Variants in NPEPPS observed in about 807,000 individuals in gnomAD.
The protein encoded by NPEPPS is puromycin-sensitive aminopeptidase.
A neutral mutation model predicts 115.5 loss-of-function variants in NPEPPS; 14 were observed. That is an observed-to-expected ratio of 0.12 (90% CI 0.08 to 0.19). The LOEUF is 0.19. Ranked by LOEUF, NPEPPS falls within the 10% of genes least tolerant of loss-of-function variation. The probability of loss-of-function intolerance (pLI) is 1.00; values close to 1 mark genes in which losing one functional copy is unlikely to be tolerated. For missense variants in NPEPPS, 523 were observed against 1,110.8 expected (o/e 0.47, Z 7.52); for synonymous variants, 285 against 390.6 (o/e 0.73, Z 3.19).
At chr17:47,573,072 G>A (rs971633882) in intron 3 of NPEPPS, among the ~76,000 whole-genome samples, 42 of 152,106 alleles carry the variant, frequency 2.8e-4, no homozygotes, top group African/African-American at 1.0e-3. Flanking sequence ...CACTGTGCCC[G>A]GCCAGAAGAG....
chr17:47,565,888 CTT>C (rs1466245576), intron 2 of NPEPPS, among the ~76,000 whole-genome samples: 1 of 152,128 alleles, frequency 6.6e-6, no homozygotes, highest in Non-Finnish European at 1.5e-5. Flanking sequence ...TGGAGAAAGA[CTT>C]TGCAATCAGA....
At chr17:47,618,035 G>C (rs1352980713) in intron 19 of NPEPPS, among the ~76,000 whole-genome samples, 2 of 151,702 alleles carry the variant, frequency 1.3e-5, no homozygotes, top group Non-Finnish European at 2.9e-5. Context: ...CACCACGCCC[G>C]GCTAATTTTT....
intron 18 of NPEPPS, 61 bp downstream of exon 18, chr17:47,612,663 CTTTTTT>C: frequency 1.8e-5 from 20 of 1,091,854 alleles, no homozygotes; most frequent in East Asian, 3.0e-5. Context: ...AAGCATGGAA[CTTTTTT>C]TTTTTTTTTT....
intron 2 of NPEPPS, among the ~76,000 whole-genome samples, chr17:47,560,023 G>A (rs1463588068): frequency 1.3e-5 from 2 of 152,074 alleles, no homozygotes; most frequent in African/African-American, 4.8e-5. Flanking sequence ...GAGCAAAAGT[G>A]GCCTAGAATG....
intron 19 of NPEPPS, among the ~76,000 whole-genome samples, 157 bp downstream of exon 19, chr17:47,613,882 C>A (rs536553811): frequency 4.0e-4 from 60 of 149,962 alleles, no homozygotes; most frequent in Non-Finnish European, 7.2e-4. Flanking sequence ...TTATGTCTAT[C>A]CATATATGTT....
chr17:47,620,589 G>A (rs1023116517), intron 22 of NPEPPS, among the ~76,000 whole-genome samples: 2 of 152,180 alleles, frequency 1.3e-5, no homozygotes, highest in Non-Finnish European at 2.9e-5. Flanking sequence ...ACTACTCTGC[G>A]ATGGAATGGA....
intron 2 of NPEPPS, among the ~76,000 whole-genome samples, chr17:47,546,286 C>G (rs1244335786): frequency 6.6e-6 from 1 of 151,952 alleles, no homozygotes; most frequent in Non-Finnish European, 1.5e-5. Context: ...ATTAGCTAGG[C>G]ATAGTGGTGC....
intron 1 of NPEPPS, among the ~76,000 whole-genome samples, chr17:47,538,202 CTTTTTTTT>C (rs543559258): frequency 1.9e-4 from 11 of 58,496 alleles, no homozygotes; most frequent in Admixed American, 2.6e-4. Flanking sequence ...CATATCTGTT[CTTTTTTTT>C]TTTTTTTTTT....
At chr17:47,592,756 CTTTCTTTT>C (rs142046619) in intron 12 of NPEPPS, 187 of 476,106 alleles carry the variant, frequency 3.9e-4, no homozygotes, top group Non-Finnish European at 6.4e-4. Context: ...TCTTTCCTTT[CTTTCTTTT>C]TTTTAATTAA....
At chr17:47,575,617 A>T (rs1009907699) in intron 3 of NPEPPS, among the ~76,000 whole-genome samples, 127 of 141,318 alleles carry the variant, frequency 9.0e-4, no homozygotes, top group Non-Finnish European at 1.4e-3. Context: ...TATTATTATT[A>T]TTTTTGAGAT....
chr17:47,615,378 C>T (rs1437263372), intron 19 of NPEPPS, among the ~76,000 whole-genome samples: 2 of 152,148 alleles, frequency 1.3e-5, no homozygotes, highest in African/African-American at 2.4e-5. Context: ...GTCTGGCCTG[C>T]TTTCTAAGAA....
In NPEPPS at chr17:47,585,385, T is replaced by C. The variant is rs1664575294; in HGVS notation, c.649-115T>C. The C allele has an allele frequency of 4.3e-6, 3 of 690,092 alleles. No individual in the cohort carries two copies. The South Asian group carries it at 5.7e-5, about 13-fold the overall frequency. 42.7% of individuals were successfully genotyped at this position (690,092 alleles called of 1,614,324 possible). ...TGAATTGGGGTAGAGAAATAAGCCATGCTAGAATAGAAAGGGGTAAAGAGA... is the reference window on the plus strand; with the variant it reads ...TGAATTGGGGTAGAGAAATAAGCCACGCTAGAATAGAAAGGGGTAAAGAGA... On this transcript the variant is annotated intron_variant, in intron 5 of 22. Transcript: ENST00000322157.
At chr17:47,572,242 C>G (rs1911243971) in intron 3 of NPEPPS, among the ~76,000 whole-genome samples, 1 of 152,080 alleles carries the variant, frequency 6.6e-6, no homozygotes, top group Admixed American at 6.6e-5. Flanking sequence ...TAGTGAGACC[C>G]TGTCTCTATA....
intron 1 of NPEPPS, among the ~76,000 whole-genome samples, chr17:47,543,483 A>ATTTTTTT (rs1244034572): frequency 2.5e-5 from 3 of 118,130 alleles, no homozygotes. Flanking sequence ...GGCCTGGCTA[A>ATTTTTTT]TTTTTTTTTT....
chr17:47,602,789 A>G lies in NPEPPS; in HGVS notation c.1740+1042A>G, dbSNP rs941108023. Among the ~76,000 whole-genome samples the G allele has an allele frequency of 4.7e-4, 71 of 151,944 alleles. 1 individual carries two copies. Among genetic ancestry groups the G allele is most frequent in the African/African-American group, 1.4e-3 (58 of 41,450 alleles). On this transcript the variant is annotated intron_variant, in intron 15 of 22. Coordinates refer to ENST00000322157, the MANE Select transcript of NPEPPS (RefSeq NM_006310.4). ...CGGAGTAGCTAGGATTATAGTCATG[A>G]GCCACCATGCCTGGCATTGTTTTAC...
intron 12 of NPEPPS, among the ~76,000 whole-genome samples, chr17:47,594,363 A>AT (rs1912707858): frequency 6.6e-6 from 1 of 151,362 alleles, no homozygotes; most frequent in Admixed American, 6.6e-5. Flanking sequence ...TTACTGTAAC[A>AT]TTTTAAATTT....
intron 2 of NPEPPS, among the ~76,000 whole-genome samples, chr17:47,546,514 A>C (rs1909229165): frequency 1.3e-5 from 2 of 152,170 alleles, no homozygotes; most frequent in Non-Finnish European, 1.5e-5. Context: ...TAAATGTCAC[A>C]ATTTATTTTA....
chr17:47,581,567 C>T (rs1427721809), intron 4 of NPEPPS: 1 of 152,148 alleles, frequency 6.6e-6, no homozygotes, highest in African/African-American at 2.4e-5. Context: ...TCTGTGCTGC[C>T]ATTTCTTTCC....
chr17:47,544,190 G>C (rs962526406), intron 1 of NPEPPS, among the ~76,000 whole-genome samples: 3 of 151,994 alleles, frequency 2.0e-5, no homozygotes, highest in African/African-American at 2.4e-5. Flanking sequence ...CACCGTGCCC[G>C]GCCTTAATTT....
Sources: gnomAD v4.1 joint callset for allele counts (sites outside exome capture counted in the v4.1 genomes callset) on GRCh38, gnomAD v4.1.1 for gene constraint, MANE v1.5 for transcripts, NCBI Gene and HGNC (gene_info 2026-07-23, HGNC 2026-07-21) for gene names.